The following DEF6 variants were observed in gnomAD, a reference collection of about 807,000 sequenced individuals.
DEF6 encodes DEF6 guanine nucleotide exchange factor.
Under a neutral mutation model 80.5 loss-of-function variants are expected in DEF6, and 32 were observed. That is an observed-to-expected ratio of 0.40 (90% CI 0.30 to 0.53). The LOEUF is 0.53. Among genes scored for constraint, DEF6 ranks in the 20% least tolerant of loss-of-function variants. DEF6 has a pLI of 0.57. For synonymous variants in DEF6, 300 were observed against 337.9 expected, an observed-to-expected ratio of 0.89 and a Z score of 1.23; for missense variants, 575 against 818.7, an observed-to-expected ratio of 0.70 and a Z score of 3.63.
At chr6:35,303,338 G>C (rs991737759) in intron 1 of DEF6, among the ~76,000 whole-genome samples, 8 of 152,074 alleles carry the variant, frequency 5.3e-5, no homozygotes, top group Non-Finnish European at 1.2e-4. Context: ...GGCATTCATA[G>C]GTCCTCTCCT....
At chr6:35,316,026 A>AT (rs35189215) in intron 5 of DEF6, 93,947 of 153,218 alleles carry the variant, frequency 0.61, 30,090 homozygotes, top group Admixed American at 0.71. Flanking sequence ...CACCTGGCTA[A>AT]TTTTTTTTTT....
At chr6:35,314,226 G>A (rs775346164) in intron 5 of DEF6, among the ~76,000 whole-genome samples, 1 of 151,930 alleles carries the variant, frequency 6.6e-6, no homozygotes, top group Non-Finnish European at 1.5e-5. Flanking sequence ...TGGCCAACAT[G>A]GTGAGACCCC....
intron 5 of DEF6, chr6:35,313,394 T>C: frequency 5.4e-6 from 2 of 373,082 alleles, no homozygotes; most frequent in Non-Finnish European, 1.0e-5. Flanking sequence ...ATTTAATACA[T>C]TCATATATTT....
intron 1 of DEF6, among the ~76,000 whole-genome samples, chr6:35,307,705 C>T (rs79163991): frequency 9.7e-4 from 147 of 152,248 alleles, no homozygotes; most frequent in Middle Eastern, 6.8e-3. Flanking sequence ...CCAGGGATAA[C>T]TGCCCAGAGG....
chr6:35,320,906 A>G lies in DEF6; in HGVS notation c.1604A>G (p.Gln535Arg). Reference protein sequence around the residue: ...DVEAAQRKLRQASTNVKHWNV... With the variant: ...DVEAAQRKLRRASTNVKHWNV... ...CAGGCTGCCCAGAGAAAACTGCGCC[A>G]GGCCAGCACCAACGTGAAACACTGG... Residue 535 changes from glutamine (Q) to arginine (R), a missense_variant, in exon 10 of 11, where the codon CAG becomes CGG. Transcript: ENST00000316637. 1 of 1,610,584 alleles carries G rather than the reference A, an allele frequency of 6.2e-7. No homozygotes were observed. The highest frequency in any genetic ancestry group is 8.5e-7 in the Non-Finnish European group (1 of 1,178,080).
Position 35,319,902 on chromosome 6 carries a change from A to G in DEF6, c.1466A>G (p.Gln489Arg), listed in dbSNP as rs1791568884. 1 of 1,574,208 alleles carries G rather than the reference A, an allele frequency of 6.4e-7. No homozygotes were observed. Among genetic ancestry groups the G allele is most frequent in the Non-Finnish European group, 8.6e-7 (1 of 1,159,642 alleles). ...GAGCGCTACATCGAACGGGCGCAGC[A>G]GGAGAAGGAAGAGCTGCAGCAGGAG... ...EQERYIERAQ[Q>R]EKEELQQEMA... Residue 489 changes from glutamine (Q) to arginine (R), a missense_variant, in exon 9 of 11, where the codon CAG (glutamine) becomes CGG (arginine). Coordinates refer to ENST00000316637, the MANE Select transcript of DEF6 (RefSeq NM_022047.4). This position sits in a 1 kb window ranked among gnomAD's most constrained non-coding sequence, Gnocchi z 4.5.
At position 35,321,213 on chromosome 6, in the gene DEF6, T is replaced by C; in HGVS notation, c.1699T>C (p.Phe567Leu). Residue 567 changes from phenylalanine (F) to leucine (L), a missense_variant, in exon 11 of 11, where the codon TTC (phenylalanine) becomes CTC (leucine). Transcript: ENST00000316637. The stretch of plus-strand genomic sequence containing the variant: ...TAAGCGTCCGGTCACCAGCAGCTCC[T>C]TCTCAGGCTTCCAGCCCCCTCTGCT... ...GDKRPVTSSSFSGFQPPLLAH... is the reference protein window; with the variant it reads ...GDKRPVTSSSLSGFQPPLLAH... 6.2e-7 allele frequency: 1 copy of C among 1,612,776 alleles called. No individual in the cohort carries two copies. Among genetic ancestry groups the C allele is most frequent in the Non-Finnish European group, 8.5e-7 (1 of 1,179,914 alleles).
chr6:35,309,806 A>G lies in DEF6; in HGVS notation c.233A>G (p.Asp78Gly). ...CCCTACCTCAACAAGTACATCCTGG[A>G]CAAGGTGGGGCCCAGCTTGTAGGGA... ...YMPYLNKYIL[D>G]KVEEGAFVKE... Residue 78 changes from aspartate to glycine, a missense_variant, in exon 2 of 11, where the codon GAC becomes GGC. By Grantham distance (94) the Asp-to-Gly change is moderately conservative. Coordinates refer to ENST00000316637, the MANE Select transcript of DEF6 (RefSeq NM_022047.4). 1 of 1,613,976 alleles carries G rather than the reference A, an allele frequency of 6.2e-7. No individual in the cohort carries two copies. The highest frequency in any genetic ancestry group is 1.1e-5 in the South Asian group (1 of 91,070).
intron 1 of DEF6, among the ~76,000 whole-genome samples, chr6:35,303,140 T>C (rs2150384986): frequency 6.6e-6 from 1 of 152,266 alleles, no homozygotes; most frequent in East Asian, 1.9e-4. Context: ...CCTGAGTGTC[T>C]GGGCATTTAA....
rs770341964 is a variant in DEF6, at chr6:35,318,510, G to T, written c.1215+39G>T. The T allele has an allele frequency of 1.2e-4, 170 of 1,361,176 alleles. No individual in the cohort carries two copies. Among genetic ancestry groups the T allele is most frequent in the Non-Finnish European group, 9.5e-5 (101 of 1,065,000 alleles). 84.3% of individuals were successfully genotyped at this position (1,361,176 alleles called of 1,614,324 possible). On this transcript the variant is annotated intron_variant, in intron 7 of 10. Coordinates refer to ENST00000316637, the MANE Select transcript of DEF6 (RefSeq NM_022047.4). This position sits in a 1 kb window ranked among gnomAD's most constrained non-coding sequence, Gnocchi z 5.1. The stretch of plus-strand genomic sequence containing the variant: ...CCGGCGCCGGGGACGGGACCGGTGG[G>T]CTGGGAGGCTGGCCAGGGGCGGAGC...
In DEF6 at chr6:35,312,201, T is replaced by G. The variant is rs1242286162; in HGVS notation, c.424-101T>G. The G allele has an allele frequency of 1.0e-5, 10 of 975,328 alleles. No homozygotes were observed. The highest frequency in any genetic ancestry group is 1.5e-5 in the Non-Finnish European group (10 of 645,522). 60.4% of individuals were successfully genotyped at this position (975,328 alleles called of 1,614,324 possible). A position where few individuals can be genotyped will look rare whatever the true frequency, so the allele number is the denominator to read the frequency against. On this transcript the variant is annotated intron_variant, in intron 3 of 10. Transcript: ENST00000316637. The surrounding 1 kb of genome is among the most constrained non-coding windows in gnomAD (Gnocchi z 6.6). ...CCCCCTCAACGCTCTGTCCCCTGTT[T>G]CCCTCTGCCCAGGCTCTGGGAGCCA...
chr6:35,320,984 AAT>A lies in DEF6; in HGVS notation c.1672+12_1672+13del, dbSNP rs768755713. ...CCAATTGAGCCTGGAGGTGAGAAGG[AAT>A]AGACTCTGGAGCTTTCCCTGGAGCT... On this transcript the variant is annotated intron_variant, in intron 10 of 10. Transcript: ENST00000316637. The A allele has an allele frequency of 2.0e-5, 33 of 1,612,464 alleles. No homozygotes were observed. Among genetic ancestry groups the A allele is most frequent in the Non-Finnish European group, 8.5e-7 (1 of 1,179,056 alleles).
rs762570331 is a variant in DEF6, at chr6:35,310,569, G to C, written c.348G>C (p.Gln116His). The change falls in exon 3 of 11, where the codon CAG (glutamine) becomes CAC (histidine). Residue 116 changes from glutamine (Q) to histidine (H), a missense_variant. Gln to His is a conservative substitution (Grantham distance 24). Coordinates refer to ENST00000316637, the MANE Select transcript of DEF6 (RefSeq NM_022047.4). ...DSNGNSMLSN[Q>H]DAFRLWCLFN... ...ACGGGAACAGTATGCTCTCCAATCA[G>C]GATGCCTTCCGCCTCTGGTGCCTCT... The C allele has an allele frequency of 6.2e-7, 1 of 1,614,134 alleles. No homozygotes were observed. Among genetic ancestry groups the C allele is most frequent in the Admixed American group, 1.7e-5 (1 of 60,018 alleles).
At chr6:35,302,150 C>T (rs1791322942) in intron 1 of DEF6, among the ~76,000 whole-genome samples, 2 of 152,110 alleles carry the variant, frequency 1.3e-5, no homozygotes, top group South Asian at 4.2e-4. Context: ...TCACTTGAGT[C>T]CAGGAGTTTG....
chr6:35,304,695 G>T (rs1791367881), intron 1 of DEF6, among the ~76,000 whole-genome samples: 1 of 152,118 alleles, frequency 6.6e-6, no homozygotes, highest in Non-Finnish European at 1.5e-5. Context: ...GAAACATTCA[G>T]TGAATGGGGG....
Position 35,319,582 on chromosome 6 carries a change from G to T in DEF6, c.1274G>T (p.Arg425Leu), listed in dbSNP as rs766579626. The change falls in exon 8 of 11, where the codon CGG becomes CTG. Residue 425 changes from arginine to leucine, a missense_variant. Transcript: ENST00000316637. This position sits in a 1 kb window ranked among gnomAD's most constrained non-coding sequence, Gnocchi z 4.5. ...AAGGAGGAGGAGGCTGCCCGGCAGCGGCAGCGCATCAAGGAGCTGGAGGAG... is the reference window on the plus strand; with the variant it reads ...AAGGAGGAGGAGGCTGCCCGGCAGCTGCAGCGCATCAAGGAGCTGGAGGAG... Reference protein sequence around the residue: ...ELKEEEAARQRQRIKELEEMQ... With the variant: ...ELKEEEAARQLQRIKELEEMQ... 3.7e-6 allele frequency: 6 copies of T among 1,613,770 alleles called. No individual in the cohort carries two copies. Among genetic ancestry groups the T allele is most frequent in the Non-Finnish European group, 4.2e-6 (5 of 1,179,888 alleles).
chr6:35,319,640 A>G lies in DEF6; in HGVS notation c.1332A>G (p.Leu444=), dbSNP rs1372986438. The part of the protein sequence containing the change: ...MQQRLQEALQ[L]EVKARRDEES... ...AGCGGTTGCAGGAGGCCCTGCAACT[A>G]GAGGTGAAAGCTCGGCGAGATGAAG... The change falls in exon 8 of 11, where the codon CTA becomes CTG. Residue 444 remains leucine (L), a synonymous_variant. Transcript: ENST00000316637. The surrounding 1 kb of genome is among the most constrained non-coding windows in gnomAD (Gnocchi z 4.5). 1 of 1,613,776 alleles carries G rather than the reference A, an allele frequency of 6.2e-7. No homozygotes were observed.
At position 35,319,774 on chromosome 6, in the gene DEF6, G is replaced by T; in HGVS notation, c.1383-45G>T. 6.2e-7 allele frequency: 1 copy of T among 1,610,172 alleles called. No homozygotes were observed. The highest frequency in any genetic ancestry group is 8.5e-7 in the Non-Finnish European group (1 of 1,177,756). ...TTTCCTGCTTGCTGTGCACCTGCAA[G>T]GTGCCTTGGCACTAGAGGCTACACA... On this transcript the variant is annotated intron_variant, in intron 8 of 10. Coordinates refer to ENST00000316637, the MANE Select transcript of DEF6 (RefSeq NM_022047.4). The surrounding 1 kb of genome is among the most constrained non-coding windows in gnomAD (Gnocchi z 4.5).
intron 1 of DEF6, among the ~76,000 whole-genome samples, chr6:35,303,399 G>T (rs1791343058): frequency 6.6e-6 from 1 of 152,124 alleles, no homozygotes; most frequent in Non-Finnish European, 1.5e-5. Context: ...AGGTTAATAT[G>T]CTCACTGGGA....
Sources: gnomAD v4.1 joint callset for allele counts (sites outside exome capture counted in the v4.1 genomes callset) on GRCh38, gnomAD v4.1.1 for gene constraint, Gnocchi (gnomAD v3.1) non-coding constraint, MANE v1.5 for transcripts, NCBI Gene and HGNC (gene_info 2026-07-23, HGNC 2026-07-21) for gene names.